The following C8orf34 variants were observed in gnomAD, a reference collection of about 807,000 sequenced individuals.
C8orf34 encodes the protein chromosome 8 open reading frame 34.
A neutral mutation model predicts 68.3 loss-of-function variants in C8orf34; 65 were observed. That is an observed-to-expected ratio of 0.95 (90% CI 0.78 to 1.17). The LOEUF (loss-of-function observed/expected upper bound fraction) is 1.17. C8orf34 is among the 50% of genes most tolerant of loss of function. C8orf34 has a pLI of 0.00. For synonymous variants in C8orf34, 244 were observed against 241.2 expected, an observed-to-expected ratio of 1.01 and a Z score of -0.11; for missense variants, 664 against 655.4, an observed-to-expected ratio of 1.01 and a Z score of -0.14.
intron 5 of C8orf34, among the ~76,000 whole-genome samples, chr8:68,509,470 C>T (rs1814167206): frequency 6.6e-6 from 1 of 152,148 alleles, no homozygotes; most frequent in Non-Finnish European, 1.5e-5. Flanking sequence ...GGTTCCCTTC[C>T]CCTGAGCTCA....
intron 7 of C8orf34, among the ~76,000 whole-genome samples, chr8:68,599,672 A>G (rs1817643236): frequency 1.3e-5 from 2 of 152,108 alleles, no homozygotes; most frequent in South Asian, 2.1e-4. Context: ...TATAAATGCT[A>G]AAACTCTAAA....
intron 1 of C8orf34, among the ~76,000 whole-genome samples, chr8:68,340,119 T>A (rs1034382276): frequency 6.6e-6 from 1 of 152,018 alleles, no homozygotes; most frequent in Non-Finnish European, 1.5e-5. Context: ...TAAGCATTGG[T>A]GAAGATTTGA....
At chr8:68,746,024 T>C (rs1016136606) in intron 10 of C8orf34, among the ~76,000 whole-genome samples, 1 of 152,056 alleles carries the variant, frequency 6.6e-6, no homozygotes, top group Non-Finnish European at 1.5e-5. Flanking sequence ...ACAGAAATTA[T>C]AACAAACTAT....
intron 1 of C8orf34, among the ~76,000 whole-genome samples, chr8:68,347,808 G>A (rs1311423157): frequency 1.3e-5 from 2 of 151,396 alleles, no homozygotes; most frequent in African/African-American, 2.4e-5. Flanking sequence ...TTTTAATGGA[G>A]TTATTTTTCT....
At chr8:68,631,395 C>A (rs187185397) in intron 7 of C8orf34, among the ~76,000 whole-genome samples, 4 of 152,242 alleles carry the variant, frequency 2.6e-5, no homozygotes, top group African/African-American at 9.6e-5. Flanking sequence ...CAATCAGGAA[C>A]CACTGTGCCC....
At chr8:68,331,536 A>G in intron 1 of C8orf34, 197 bp downstream of exon 1, 1 of 649,588 alleles carries the variant, frequency 1.5e-6, no homozygotes, top group Non-Finnish European at 2.7e-6. Context: ...GCGGGCACTT[A>G]GCCAGTTACC....
intron 9 of C8orf34, among the ~76,000 whole-genome samples, chr8:68,713,142 C>T (rs1363758719): frequency 2.0e-5 from 3 of 151,962 alleles, no homozygotes; most frequent in Non-Finnish European, 4.4e-5. Flanking sequence ...AGTAACATAA[C>T]CTATCAAAAC....
At chr8:68,513,552 T>TA (rs972312309) in intron 5 of C8orf34, among the ~76,000 whole-genome samples, 18 of 152,118 alleles carry the variant, frequency 1.2e-4, no homozygotes, top group Non-Finnish European at 2.2e-4. Context: ...CCTGGCCTAG[T>TA]AAAAACGTCT....
chr8:68,706,357 G>T (rs1821165210), intron 8 of C8orf34, among the ~76,000 whole-genome samples: 1 of 152,106 alleles, frequency 6.6e-6, no homozygotes, highest in Admixed American at 6.5e-5. Context: ...GAGGGAAATG[G>T]AGATTTGTTA....
chr8:68,743,631 C>CGT (rs1822374539), intron 10 of C8orf34, among the ~76,000 whole-genome samples: 2 of 152,186 alleles, frequency 1.3e-5, no homozygotes, highest in African/African-American at 4.8e-5. Flanking sequence ...CAGATGGCAC[C>CGT]TGAAAAATTG....
At chr8:68,704,790 A>C (rs1276854571) in intron 8 of C8orf34, among the ~76,000 whole-genome samples, 1 of 149,720 alleles carries the variant, frequency 6.7e-6, no homozygotes, top group East Asian at 2.0e-4. Context: ...CTCCTAAAAT[A>C]TTGAGAGCAA....
At chr8:68,413,592 C>T (rs972398414) in intron 1 of C8orf34, among the ~76,000 whole-genome samples, 12 of 152,182 alleles carry the variant, frequency 7.9e-5, no homozygotes, top group Admixed American at 5.9e-4. Context: ...CTCATTGTCC[C>T]ATGCTATGGT....
intron 1 of C8orf34, among the ~76,000 whole-genome samples, chr8:68,347,295 ATTCTT>A (rs1806323979): frequency 6.6e-6 from 1 of 152,102 alleles, no homozygotes; most frequent in African/African-American, 2.4e-5. Flanking sequence ...ACATGATCTC[ATTCTT>A]TTCTTACGGC....
chr8:68,817,977 G>T (rs1052405435), intron 13 of C8orf34, among the ~76,000 whole-genome samples: 5 of 149,216 alleles, frequency 3.4e-5, no homozygotes, highest in Non-Finnish European at 6.0e-5. Flanking sequence ...AGATTATGGG[G>T]ATTGTAATTC....
At chr8:68,741,498 A>G (rs1822292522) in intron 10 of C8orf34, among the ~76,000 whole-genome samples, 2 of 152,144 alleles carry the variant, frequency 1.3e-5, no homozygotes, top group Admixed American at 1.3e-4. Context: ...GTTATTTTTA[A>G]ATGTACAGTT....
chr8:68,464,939 A>C (rs1812040232), intron 3 of C8orf34, among the ~76,000 whole-genome samples: 1 of 151,774 alleles, frequency 6.6e-6, no homozygotes, highest in Admixed American at 6.6e-5. Context: ...CAAAAGCCAA[A>C]ATTGACAAAT....
intron 1 of C8orf34, among the ~76,000 whole-genome samples, chr8:68,336,074 G>C (rs1368820818): frequency 6.6e-6 from 1 of 151,862 alleles, no homozygotes; most frequent in Non-Finnish European, 1.5e-5. Context: ...GCAACAGAGG[G>C]AGACCCCATT....
chr8:68,541,954 A>G (rs1479765833), intron 7 of C8orf34, among the ~76,000 whole-genome samples: 2 of 152,208 alleles, frequency 1.3e-5, no homozygotes, highest in African/African-American at 4.8e-5. Flanking sequence ...AAAAGGTAAA[A>G]TGATATATCT....
At chr8:68,774,660 C>T (rs1823453975) in intron 10 of C8orf34, among the ~76,000 whole-genome samples, 1 of 151,914 alleles carries the variant, frequency 6.6e-6, no homozygotes, top group African/African-American at 2.4e-5. Flanking sequence ...GGAATACCAG[C>T]ATTCTATTTC....
Sources: gnomAD v4.1 joint callset for allele counts (sites outside exome capture counted in the v4.1 genomes callset) on GRCh38, gnomAD v4.1.1 for gene constraint, MANE v1.5 for transcripts, NCBI Gene and HGNC (gene_info 2026-07-23, HGNC 2026-07-21) for gene names.